ANKRD16: variants seen among roughly 807,000 people sequenced by gnomAD.
ANKRD16 encodes ankyrin repeat domain-containing protein 16.
Under a neutral mutation model 37.9 loss-of-function variants are expected in ANKRD16, and 35 were observed. That is an observed-to-expected ratio of 0.92 (90% CI 0.71 to 1.23). ANKRD16 has a LOEUF of 1.23. Among genes scored for constraint, ANKRD16 ranks in the 50% most tolerant of loss-of-function variants. ANKRD16 has a pLI of 0.00. For missense variants in ANKRD16, 480 were observed against 469.9 expected, an observed-to-expected ratio of 1.02 and a Z score of -0.20; for synonymous variants, 206 against 197.2, an observed-to-expected ratio of 1.04 and a Z score of -0.37.
Position 5,889,229 on chromosome 10 carries a change from G to A in ANKRD16, c.126C>T (p.His42=). 1 of 1,566,642 alleles carries A rather than the reference G, an allele frequency of 6.4e-7. No homozygotes were observed. The highest frequency in any genetic ancestry group is 8.6e-7 in the Non-Finnish European group (1 of 1,165,346). Reference sequence around the variant, plus strand: ...CCCGATGCCCGTGGCGCGCGGCGCAGTGCAGGAGGGTATCCCCGGCCGGCC... The same window carrying A: ...CCCGATGCCCGTGGCGCGCGGCGCAATGCAGGAGGGTATCCCCGGCCGGCC... ...CPGPAGDTLL[H]CAARHGHRDV... is the part of the protein sequence containing the mutation. Residue 42 remains histidine, a synonymous_variant, in exon 1 of 8, where the codon CAC becomes CAT. Coordinates refer to ENST00000380094, the MANE Select transcript of ANKRD16 (RefSeq NM_019046.3).
chr10:5,872,424 A>G (rs763465407), intron 7 of ANKRD16, among the ~76,000 whole-genome samples: 1 of 152,108 alleles, frequency 6.6e-6, no homozygotes, highest in Non-Finnish European at 1.5e-5. Flanking sequence ...GGCTGCAGTG[A>G]GCCGAGATTA....
intron 4 of ANKRD16, 108 bp downstream of exon 4, chr10:5,883,861 G>T: frequency 1.1e-6 from 1 of 890,068 alleles, no homozygotes; most frequent in Non-Finnish European, 1.7e-6. Flanking sequence ...GAGTTTGGAG[G>T]GGCTGGGGAA....
Position 5,870,676 on chromosome 10 carries a change from TGCCTG to T in ANKRD16, c.*33+7416_*33+7420del, listed in dbSNP as rs1366113982. On this transcript the variant is annotated intron_variant, in intron 7 of 7. Transcript: ENST00000380094. The surrounding 1 kb of genome is among the most constrained non-coding windows in gnomAD (Gnocchi z 5.0). ...GTTGGGATTACAGGCGTGAGCCACG[TGCCTG>T]GCCATTGCTATTTTTAAAATGTTGT... Among the ~76,000 whole-genome samples, 2 of 152,164 alleles carry T rather than the reference TGCCTG, an allele frequency of 1.3e-5. No homozygotes were observed. The highest frequency in any genetic ancestry group is 2.9e-5 in the Non-Finnish European group (2 of 68,028).
rs148866244 is a variant in ANKRD16, at chr10:5,887,917, G to A, written c.465C>T (p.Tyr155=). Residue 155 remains tyrosine, a synonymous_variant, in exon 2 of 8, where the codon TAC becomes TAT. Transcript: ENST00000380094. ...SREGDPLILQ[Y]LLTVCPGAWK... is the part of the protein sequence containing the mutation. ...AGGCACCTGGGCAAACAGTGAGCAG[G>A]TACTGGAGGATCAGAGGGTCGCCTT... is the stretch of plus-strand genomic sequence containing the variant. The A allele has an allele frequency of 9.9e-5, 160 of 1,614,068 alleles. No individual in the cohort carries two copies. The highest frequency in any genetic ancestry group is 1.3e-4 in the Non-Finnish European group (149 of 1,180,022).
rs560032479 is a variant in ANKRD16, at chr10:5,877,997, T to C, written c.*33+100A>G. On this transcript the variant is annotated intron_variant, in intron 7 of 7. Coordinates refer to ENST00000380094, the MANE Select transcript of ANKRD16 (RefSeq NM_019046.3). Reference sequence around the variant, plus strand: ...GGAACTCCTCAGCAGGAGTGGAACATGCAGGATGAGGGAAGGGAGGAAGTG... The same window carrying C: ...GGAACTCCTCAGCAGGAGTGGAACACGCAGGATGAGGGAAGGGAGGAAGTG... 156 of 1,314,992 alleles carry C rather than the reference T, an allele frequency of 1.2e-4. No individual in the cohort carries two copies. In the African/African-American group the frequency reaches 2.1e-3, roughly 18 times the overall value. 81.5% of individuals were successfully genotyped at this position (1,314,992 alleles called of 1,614,324 possible).
intron 4 of ANKRD16, 102 bp downstream of exon 4, chr10:5,883,867 G>A: frequency 1.0e-6 from 1 of 967,562 alleles, no homozygotes; most frequent in Non-Finnish European, 1.5e-6. Flanking sequence ...GGAGGGGCTG[G>A]GGAATGGAAC....
At chr10:5,884,224 T>A in intron 3 of ANKRD16, 147 bp from the exon 4 acceptor site, 1 of 637,964 alleles carries the variant, frequency 1.6e-6, no homozygotes. Context: ...CATCTCAGTG[T>A]CCGAACTGAG....
rs966854649 is a variant in ANKRD16 at position 5,863,183 on chromosome 10, G to A, written c.*34-492C>T. Among the ~76,000 whole-genome samples, 1 of 152,192 alleles carries A rather than the reference G, an allele frequency of 6.6e-6. No homozygotes were observed. The stretch of plus-strand genomic sequence containing the variant: ...ACTTGGGAGACATGCAGATCCCACA[G>A]GAGAGGGAAGGGGGAGCTGCTCTCA... On this transcript the variant is annotated intron_variant, in intron 7 of 7. Transcript: ENST00000380094. The surrounding 1 kb of genome is among the most constrained non-coding windows in gnomAD (Gnocchi z 4.7).
Position 5,888,037 on chromosome 10 carries a change from C to T in ANKRD16, c.345G>A (p.Lys115=), listed in dbSNP as rs200868116. Residue 115 remains lysine, a synonymous_variant, in exon 2 of 8, where the codon AAG becomes AAA. Coordinates refer to ENST00000380094, the MANE Select transcript of ANKRD16 (RefSeq NM_019046.3). ...WTPLMMACTR[K]NLGVIQELVE... ...CCAGCTCCTGGATCACCCCCAGGTT[C>T]TTCCTTGTGCAGGCCATCATCAGAG... is the stretch of plus-strand genomic sequence containing the variant. 1.2e-6 allele frequency: 2 copies of T among 1,614,134 alleles called. No homozygotes were observed.
At chr10:5,885,499 G>T (rs191887171) in intron 3 of ANKRD16, among the ~76,000 whole-genome samples, 1 of 151,878 alleles carries the variant, frequency 6.6e-6, no homozygotes, top group African/African-American at 2.4e-5. Context: ...ATAAATGCTC[G>T]TTGAAAAAAA....
At chr10:5,876,187 G>A (rs868809754) in intron 7 of ANKRD16, among the ~76,000 whole-genome samples, 33 of 152,114 alleles carry the variant, frequency 2.2e-4, no homozygotes, top group African/African-American at 7.5e-4. Context: ...CCCAGCCCAC[G>A]ATTAATGTTC....
At chr10:5,883,255 A>G (rs1842350704) in intron 4 of ANKRD16, 88 bp from the exon 5 acceptor site, 6 of 1,391,866 alleles carry the variant, frequency 4.3e-6, no homozygotes, top group Non-Finnish European at 5.9e-6. Flanking sequence ...CTTCAGCAAA[A>G]CTGAGCTGTT....
intron 2 of ANKRD16, among the ~76,000 whole-genome samples, chr10:5,887,223 G>A (rs1174160388): frequency 6.6e-6 from 1 of 152,158 alleles, no homozygotes; most frequent in East Asian, 1.9e-4. Flanking sequence ...CTTACCCAAG[G>A]TCAAAGACTA....
intron 7 of ANKRD16, among the ~76,000 whole-genome samples, chr10:5,867,301 CAT>C (rs967560042): frequency 6.6e-5 from 10 of 152,212 alleles, no homozygotes; most frequent in African/African-American, 1.9e-4. Context: ...AGGACAGGAC[CAT>C]AGATGGTTCC....
At chr10:5,883,198 G>A in intron 4 of ANKRD16, 31 bp from the exon 5 acceptor site, 2 of 1,603,722 alleles carry the variant, frequency 1.2e-6, no homozygotes, top group Non-Finnish European at 1.7e-6. Context: ...AGGAGCAAAG[G>A]TCAAAGATAA....
intron 7 of ANKRD16, among the ~76,000 whole-genome samples, chr10:5,875,718 T>G (rs1842172591): frequency 6.6e-6 from 1 of 150,624 alleles, no homozygotes; most frequent in South Asian, 2.1e-4. Flanking sequence ...ATGTTCTTTT[T>G]TTTTTTTTTT....
At chr10:5,872,199 C>A (rs1376339587) in intron 7 of ANKRD16, among the ~76,000 whole-genome samples, 1 of 152,114 alleles carries the variant, frequency 6.6e-6, no homozygotes, top group Non-Finnish European at 1.5e-5. Context: ...AGTTAGAGGG[C>A]CAAGTGTGGT....
Position 5,863,261 on chromosome 10 carries a change from G to A in ANKRD16, c.*34-570C>T, listed in dbSNP as rs570203684. On this transcript the variant is annotated intron_variant, in intron 7 of 7. Transcript: ENST00000380094. The surrounding 1 kb of genome is among the most constrained non-coding windows in gnomAD (Gnocchi z 4.7). ...AAGAATCAGTCCTCCAGATGGGTGG[G>A]CAGCACTGGGCCTGAGGTGAATGTT... 2.0e-5 allele frequency among the ~76,000 whole-genome samples: 3 copies of A among 152,100 alleles called. No individual in the cohort carries two copies. Among genetic ancestry groups the A allele is most frequent in the Admixed American group, 2.0e-4 (3 of 15,268 alleles).
chr10:5,881,312 TACTC>T (rs1842299977), intron 5 of ANKRD16, among the ~76,000 whole-genome samples: 1 of 151,032 alleles, frequency 6.6e-6, no homozygotes, highest in Admixed American at 6.6e-5. Context: ...CAAGCAAATA[TACTC>T]TTTGTTGAAA....
Sources: gnomAD v4.1 joint callset for allele counts (sites outside exome capture counted in the v4.1 genomes callset) on GRCh38, gnomAD v4.1.1 for gene constraint, Gnocchi (gnomAD v3.1) non-coding constraint, MANE v1.5 for transcripts, NCBI Gene and HGNC (gene_info 2026-07-23, HGNC 2026-07-21) for gene names.